Variants in KIF21B observed in about 807,000 individuals in gnomAD.
The protein encoded by KIF21B is kinesin-like protein KIF21B.
Under a neutral mutation model 192.9 loss-of-function variants are expected in KIF21B, and 85 were observed. The ratio of observed to expected loss-of-function variants is 0.44; its 90% CI spans 0.37 to 0.53. The LOEUF (loss-of-function observed/expected upper bound fraction) is 0.53. Ranked by LOEUF, KIF21B falls within the 20% of genes least tolerant of loss-of-function variation. KIF21B has a pLI of 0.00. For synonymous variants in KIF21B, 832 were observed against 884.6 expected, an observed-to-expected ratio of 0.94 and a Z score of 1.05; for missense variants, 1,716 against 2,194.8, an observed-to-expected ratio of 0.78 and a Z score of 4.36.
At chr1:201,013,758 G>GA (rs1159240044) in intron 1 of KIF21B, among the ~76,000 whole-genome samples, 2 of 152,188 alleles carry the variant, frequency 1.3e-5, no homozygotes, top group Non-Finnish European at 1.5e-5. Flanking sequence ...AGGAGGCAAG[G>GA]AAAAACCTCA....
rs1284730184 is a variant in KIF21B at position 201,000,409 on chromosome 1, C to T, written c.1666G>A (p.Val556Ile). 6.4e-7 allele frequency: 1 copy of T among 1,558,580 alleles called. No homozygotes were observed. The highest frequency in any genetic ancestry group is 8.6e-7 in the Non-Finnish European group (1 of 1,158,400). Reference sequence around the variant, plus strand: ...ACTCACCTCTTCCTCCGCTGCCTGACCTCCTTCTTCTTTAGCCGCTCCAGG... The same window carrying T: ...ACTCACCTCTTCCTCCGCTGCCTGATCTCCTTCTTCTTTAGCCGCTCCAGG... ...QDLERLKKKEVRQRRKSPEKE... is the reference protein window; with the variant it reads ...QDLERLKKKEIRQRRKSPEKE... The change falls in exon 11 of 35, where the codon GTC becomes ATC. Residue 556 changes from valine (V) to isoleucine (I), a missense_variant. By Grantham distance (29) the Val-to-Ile change is conservative. Around this residue, in one of 3 missense-constraint regions of KIF21B, gnomAD observed 1,087 missense variants for 1,316.6 expected, o/e 0.83. Transcript: ENST00000461742. The surrounding 1 kb of genome is among the most constrained non-coding windows in gnomAD (Gnocchi z 6.0).
Position 200,999,429 on chromosome 1 carries a change from T to G in KIF21B, c.1805A>C (p.Glu602Ala). Residue 602 changes from glutamate (E) to alanine (A), a missense_variant, in exon 13 of 35, where the codon GAG becomes GCG. Transcript: ENST00000461742. The surrounding 1 kb of genome is among the most constrained non-coding windows in gnomAD (Gnocchi z 4.7). Reference sequence around the variant, plus strand: ...CTCATCTTCATCCTCGCGCCCTTCCTCCTCCTCACAGCCACTCTCGTCTCG... The same window carrying G: ...CTCATCTTCATCCTCGCGCCCTTCCGCCTCCTCACAGCCACTCTCGTCTCG... ...EERDESGCEE[E>A]EGREDEDEDS... is the part of the protein sequence containing the mutation. 1 of 1,613,982 alleles carries G rather than the reference T, an allele frequency of 6.2e-7. No homozygotes were observed. Among genetic ancestry groups the G allele is most frequent in the South Asian group, 1.1e-5 (1 of 91,074 alleles).
intron 34 of KIF21B, 147 bp downstream of exon 34, chr1:200,974,567 T>C: frequency 1.3e-6 from 1 of 797,794 alleles, no homozygotes; most frequent in Non-Finnish European, 2.0e-6. Context: ...TGGCACAGGC[T>C]AGGTATGCAA....
Position 200,975,128 on chromosome 1 carries a change from C to T in KIF21B, c.4615-215G>A, listed in dbSNP as rs1225432140. Reference sequence around the variant, plus strand: ...AGATGGGTCCCTCTGCTCTACTTCCCAGGTTCAAGCCTAAGATCCTGCCCT... The same window carrying T: ...AGATGGGTCCCTCTGCTCTACTTCCTAGGTTCAAGCCTAAGATCCTGCCCT... On this transcript the variant is annotated intron_variant, in intron 33 of 34. Coordinates refer to ENST00000461742, the MANE Select transcript of KIF21B (RefSeq NM_001252102.2). This position sits in a 1 kb window ranked among gnomAD's most constrained non-coding sequence, Gnocchi z 4.3. 6.6e-6 allele frequency among the ~76,000 whole-genome samples: 1 copy of T among 152,216 alleles called. No individual in the cohort carries two copies. The highest frequency in any genetic ancestry group is 2.4e-5 in the African/African-American group (1 of 41,452).
At chr1:201,009,631 T>C (rs1658120490) in intron 1 of KIF21B, 143 bp from the exon 2 acceptor site, 1 of 687,356 alleles carries the variant, frequency 1.5e-6, no homozygotes, top group Non-Finnish European at 2.4e-6. Context: ...CCAGAGGACA[T>C]GGGCAACTTT....
chr1:201,005,028 G>C (rs535473362), intron 5 of KIF21B, 95 bp from the exon 6 acceptor site: 2 of 1,393,002 alleles, frequency 1.4e-6, no homozygotes, highest in African/African-American at 2.8e-5. Flanking sequence ...CACGGTGGAC[G>C]GCCAAGCGCC....
Position 201,008,788 on chromosome 1 carries a change from ACTTTGAACTCAGGT to A in KIF21B, c.414_427del (p.Pro139GlnfsTer14). 6.2e-7 allele frequency: 1 copy of A among 1,601,674 alleles called. No homozygotes were observed. Among genetic ancestry groups the A allele is most frequent in the Non-Finnish European group, 8.5e-7 (1 of 1,179,282 alleles). On this transcript the variant is annotated frameshift_variant, in exon 3 of 35. Coordinates refer to ENST00000461742, the MANE Select transcript of KIF21B (RefSeq NM_001252102.2). LOFTEE classifies it high-confidence loss of function. ...CAGTACCTCCAGAAACTGGGCGCTG[ACTTTGAACTCAGGT>A]CCAGCCACGCCCTGCTCCTGTGCCC...
chr1:200,998,049 T>C lies in KIF21B; in HGVS notation c.2077+335A>G, dbSNP rs567197980. On this transcript the variant is annotated intron_variant, in intron 14 of 34. Transcript: ENST00000461742. This position sits in a 1 kb window ranked among gnomAD's most constrained non-coding sequence, Gnocchi z 4.3. ...AGAGCAGCATAATGAAGATAGAATG[T>C]AAGAACGGTTACAAACAGGTCCAAA... Among the ~76,000 whole-genome samples, 1 of 152,254 alleles carries C rather than the reference T, an allele frequency of 6.6e-6. No homozygotes were observed. Among genetic ancestry groups the C allele is most frequent in the East Asian group, 1.9e-4 (1 of 5,186 alleles).
Position 201,005,670 on chromosome 1 carries a change from G to A in KIF21B, c.472C>T (p.Leu158=). The change falls in exon 4 of 35, where the codon CTG becomes TTG. Residue 158 remains leucine, a synonymous_variant. Transcript: ENST00000461742. ...TCAGGGTCACGGGTGCTGTCAAACA[G>A]GTCAAGGATCTCCTCGTTGTAGAGC... ...LELYNEEILD[L]FDSTRDPDTR... 5 of 1,614,130 alleles carry A rather than the reference G, an allele frequency of 3.1e-6. No homozygotes were observed. The highest frequency in any genetic ancestry group is 4.2e-6 in the Non-Finnish European group (5 of 1,180,034).
At position 200,972,387 on chromosome 1, in the gene KIF21B, C is replaced by G. The variant is rs1384929975; in HGVS notation, c.*1134G>C. 6.6e-6 allele frequency: 1 copy of G among 152,390 alleles called. No individual in the cohort carries two copies. The highest frequency in any genetic ancestry group is 6.5e-5 in the Admixed American group (1 of 15,282). The allele number at this position is 152,390 out of a possible 1,614,324, so 9.4% of individuals were successfully genotyped here. A position where few individuals can be genotyped will look rare whatever the true frequency, so the allele number is the denominator to read the frequency against. On this transcript the variant is annotated 3_prime_UTR_variant, in exon 35 of 35. Transcript: ENST00000461742. ...GGTCAGGGTGCCGGGCTGTCCTCCC[C>G]ATCCAAGCCACCTCCCAGCAGACAC...
At chr1:201,010,828 G>A (rs907463450) in intron 1 of KIF21B, among the ~76,000 whole-genome samples, 1 of 152,196 alleles carries the variant, frequency 6.6e-6, no homozygotes, top group African/African-American at 2.4e-5. Context: ...GCTGGGAAAG[G>A]TGCTCACCTG....
chr1:200,991,017 C>T lies in KIF21B; in HGVS notation c.2587G>A (p.Ala863Thr). 4.3e-6 allele frequency: 7 copies of T among 1,614,168 alleles called. No individual in the cohort carries two copies. Among genetic ancestry groups the T allele is most frequent in the African/African-American group, 1.3e-5 (1 of 75,068 alleles). The change falls in exon 18 of 35, where the codon GCC (alanine) becomes ACC (threonine). Residue 863 changes from alanine (A) to threonine (T), a missense_variant. Physicochemically the swap from Ala to Thr is moderately conservative, Grantham distance 58. This residue lies in a region of KIF21B where 1,087 missense variants were observed against 1,316.6 expected (regional missense o/e 0.83). Transcript: ENST00000461742. ...STTSSEAESG[A>T]RSVSSIVRQW... Reference sequence around the variant, plus strand: ...CGCACGATGCTGGAGACAGAGCGGGCCCCTGATTCAGCCTCAGATGAGGTA... The same window carrying T: ...CGCACGATGCTGGAGACAGAGCGGGTCCCTGATTCAGCCTCAGATGAGGTA...
At chr1:201,005,166 T>C in intron 5 of KIF21B, 142 bp downstream of exon 5, 1 of 1,262,632 alleles carries the variant, frequency 7.9e-7, no homozygotes, top group Non-Finnish European at 1.1e-6. Flanking sequence ...GCAACAAGGC[T>C]CAAGAAAAAT....
chr1:200,992,096 G>A (rs1259468571), intron 16 of KIF21B, among the ~76,000 whole-genome samples, 186 bp downstream of exon 16: 1 of 152,210 alleles, frequency 6.6e-6, no homozygotes, highest in African/African-American at 2.4e-5. Flanking sequence ...AACATGTGGG[G>A]GCTGGACCAG....
intron 9 of KIF21B, among the ~76,000 whole-genome samples, chr1:201,001,063 C>T (rs1458824412): frequency 4.0e-5 from 6 of 148,150 alleles, no homozygotes; most frequent in African/African-American, 1.5e-4. Flanking sequence ...GCCAAGATCA[C>T]ACCATTGCAC....
Position 200,993,164 on chromosome 1 carries a change from C to T in KIF21B, c.2278-775G>A, listed in dbSNP as rs543269522. Among the ~76,000 whole-genome samples, 65 of 152,346 alleles carry T rather than the reference C, an allele frequency of 4.3e-4. No homozygotes were observed. In the East Asian group the frequency reaches 0.01, roughly 23 times the overall value. ...AAAGCACCATTAGTGCGGCCGGAGGCGACCCAATGTGCTGGGAAGCCACTG... is the reference window on the plus strand; with the variant it reads ...AAAGCACCATTAGTGCGGCCGGAGGTGACCCAATGTGCTGGGAAGCCACTG... On this transcript the variant is annotated intron_variant, in intron 15 of 34. Transcript: ENST00000461742.
At chr1:201,001,493 A>C (rs1419235569) in intron 9 of KIF21B, 2 of 152,640 alleles carry the variant, frequency 1.3e-5, no homozygotes, top group Non-Finnish European at 2.9e-5. Flanking sequence ...CAATCCTTCC[A>C]TCTCAGCCTC....
Position 200,996,221 on chromosome 1 carries a change from T to C in KIF21B, c.2252A>G (p.Glu751Gly). 6.2e-7 allele frequency: 1 copy of C among 1,613,474 alleles called. No individual in the cohort carries two copies. The highest frequency in any genetic ancestry group is 8.5e-7 in the Non-Finnish European group (1 of 1,180,034). ...YERELKKLQA[E>G]VAEMKKAKVA... is the part of the protein sequence containing the mutation. ...CTTGGCCTTCTTCATCTCAGCCACCTCGGCCTGTAGCTTCTTCAGCTCCCT... is the reference window on the plus strand; with the variant it reads ...CTTGGCCTTCTTCATCTCAGCCACCCCGGCCTGTAGCTTCTTCAGCTCCCT... The change falls in exon 15 of 35, where the codon GAG becomes GGG. Residue 751 changes from glutamate to glycine, a missense_variant. Glu to Gly is a moderately conservative substitution (Grantham distance 98). This residue lies in a region of KIF21B where 1,087 missense variants were observed against 1,316.6 expected (regional missense o/e 0.83). Coordinates refer to ENST00000461742, the MANE Select transcript of KIF21B (RefSeq NM_001252102.2).
At chr1:200,993,364 C>T (rs1047083907) in intron 15 of KIF21B, among the ~76,000 whole-genome samples, 6 of 152,232 alleles carry the variant, frequency 3.9e-5, no homozygotes, top group Admixed American at 1.3e-4. Context: ...GCTCAAGTCC[C>T]TCCTCTTAAC....
Sources: gnomAD v4.1 joint callset for allele counts (sites outside exome capture counted in the v4.1 genomes callset) on GRCh38, gnomAD v4.1.1 for gene constraint, gnomAD v4.1.1 regional missense constraint, Gnocchi (gnomAD v3.1) non-coding constraint, MANE v1.5 for transcripts, NCBI Gene and HGNC (gene_info 2026-07-23, HGNC 2026-07-21) for gene names.